The following SGSM2 variants were observed in gnomAD, a reference collection of about 807,000 sequenced individuals.
SGSM2 encodes the protein small G protein signaling modulator 2.
Under a neutral mutation model 126.6 loss-of-function variants are expected in SGSM2, and 89 were observed. The ratio of observed to expected loss-of-function variants is 0.70; its 90% CI spans 0.59 to 0.84. The LOEUF (loss-of-function observed/expected upper bound fraction) is 0.84, where lower values mean the gene tolerates loss of function less well. SGSM2 is among the 40% of genes least tolerant of loss of function. The pLI is 0.00. For missense variants in SGSM2, 1,404 were observed against 1,416.6 expected (o/e 0.99, Z 0.14); for synonymous variants, 614 against 574.3 (o/e 1.07, Z -0.99).
Position 2,373,432 on chromosome 17 carries a change from A to T in SGSM2, c.2019A>T (p.Thr673=). ...RQREREAHPA[T]RTKFSSGSSI... Reference sequence around the variant, plus strand: ...GGGAGCGGGAGGCCCACCCAGCCACACGCACCAAGTTCTCCTCAGGCAGCA... The same window carrying T: ...GGGAGCGGGAGGCCCACCCAGCCACTCGCACCAAGTTCTCCTCAGGCAGCA... Residue 673 remains threonine, a synonymous_variant, in exon 17 of 24, where the codon ACA becomes ACT. Coordinates refer to ENST00000268989, the MANE Select transcript of SGSM2 (RefSeq NM_014853.3). The T allele has an allele frequency of 6.2e-7, 1 of 1,611,418 alleles. No individual in the cohort carries two copies. Among genetic ancestry groups the T allele is most frequent in the South Asian group, 1.1e-5 (1 of 91,066 alleles).
chr17:2,363,828 G>A lies in SGSM2; in HGVS notation c.807+229G>A. The A allele has an allele frequency of 1.3e-6, 1 of 793,518 alleles. No individual in the cohort carries two copies. Among genetic ancestry groups the A allele is most frequent in the Non-Finnish European group, 2.0e-6 (1 of 509,488 alleles). 49.2% of individuals were successfully genotyped at this position (793,518 alleles called of 1,614,324 possible). A position where few individuals can be genotyped will look rare whatever the true frequency, so the allele number is the denominator to read the frequency against. On this transcript the variant is annotated intron_variant, in intron 7 of 23. Coordinates refer to ENST00000268989, the MANE Select transcript of SGSM2 (RefSeq NM_014853.3). This position sits in a 1 kb window ranked among gnomAD's most constrained non-coding sequence, Gnocchi z 4.2. ...GGAGTCCGCAGTGTGGGTATGGCTG[G>A]CCTGGAATGGACCTGGCATCCAGGA...
chr17:2,352,781 T>C (rs528172079), intron 2 of SGSM2, among the ~76,000 whole-genome samples: 11,422 of 133,030 alleles, frequency 0.086, 970 homozygotes, highest in African/African-American at 0.19. Flanking sequence ...TTTTTTTTTT[T>C]TTTTTTTTTT....
rs559431788 is a variant in SGSM2, at chr17:2,377,091, G to A, written c.2802+23G>A. On this transcript the variant is annotated intron_variant, in intron 21 of 23. Coordinates refer to ENST00000268989, the MANE Select transcript of SGSM2 (RefSeq NM_014853.3). ...CAGGTGAGGCCGGTTGCCACCCATG[G>A]GCATGGGAGCAGGCAGTGCTGGGCT... 16 of 1,521,122 alleles carry A rather than the reference G, an allele frequency of 1.1e-5. No homozygotes were observed. In the South Asian group the frequency reaches 1.2e-4, roughly 11 times the overall value. The allele number at this position is 1,521,122 out of a possible 1,614,324, so 94.2% of individuals were successfully genotyped here. A position where few individuals can be genotyped will look rare whatever the true frequency, so the allele number is the denominator to read the frequency against.
At chr17:2,370,920 TG>T (rs1416398516) in intron 12 of SGSM2, among the ~76,000 whole-genome samples, 1 of 152,244 alleles carries the variant, frequency 6.6e-6, no homozygotes, top group African/African-American at 2.4e-5. Flanking sequence ...CTCAGGTCTT[TG>T]TTCCTTCTCT....
intron 2 of SGSM2, among the ~76,000 whole-genome samples, chr17:2,346,026 T>C (rs112708005): frequency 1.3e-5 from 2 of 152,298 alleles, no homozygotes; most frequent in South Asian, 4.1e-4. Flanking sequence ...CACCCCTCTC[T>C]GCCTTTTTGG....
rs35495614 is a variant in SGSM2, at chr17:2,354,900, A to G, written c.134-6737A>G. 3.9e-4 allele frequency among the ~76,000 whole-genome samples: 49 copies of G among 126,080 alleles called. 1 individual carries two copies. The highest frequency in any genetic ancestry group is 1.3e-3 in the South Asian group (5 of 3,950). The allele number at this position is 126,080 out of a possible 152,430, so 82.7% of individuals were successfully genotyped here. The stretch of plus-strand genomic sequence containing the variant: ...TCGGGGTGTAAGCGTTGGGGAAGGG[A>G]CCCCATATCTTAGAATGGTGGAATC... On this transcript the variant is annotated intron_variant, in intron 2 of 23. Coordinates refer to ENST00000268989, the MANE Select transcript of SGSM2 (RefSeq NM_014853.3).
chr17:2,373,641 G>C (rs1567844595), intron 17 of SGSM2, 128 bp downstream of exon 17: 1 of 798,030 alleles, frequency 1.3e-6, no homozygotes, highest in African/African-American at 1.7e-5. Flanking sequence ...TAAGGTGCCT[G>C]TGTCTCATTT....
At chr17:2,358,870 GTTGTTTTT>G (rs1230414566) in intron 2 of SGSM2, among the ~76,000 whole-genome samples, 2 of 81,608 alleles carry the variant, frequency 2.5e-5, no homozygotes, top group Non-Finnish European at 4.8e-5. Flanking sequence ...TGTTGTTGTT[GTTGTTTTT>G]TTTTTTTTTT....
intron 2 of SGSM2, among the ~76,000 whole-genome samples, chr17:2,348,209 A>G (rs983840899): frequency 2.0e-5 from 3 of 152,142 alleles, no homozygotes; most frequent in African/African-American, 7.2e-5. Context: ...GGTGCTAGGG[A>G]AGGCTTGCCT....
chr17:2,355,397 G>GA (rs2065055823), intron 2 of SGSM2, among the ~76,000 whole-genome samples: 1 of 45,856 alleles, frequency 2.2e-5, no homozygotes, highest in Non-Finnish European at 5.1e-5. Flanking sequence ...TGGGGCAGGG[G>GA]CCCCATATCT....
chr17:2,347,407 T>A (rs2151492561), intron 2 of SGSM2, among the ~76,000 whole-genome samples: 1 of 147,664 alleles, frequency 6.8e-6, no homozygotes, highest in Non-Finnish European at 1.5e-5. Context: ...ACACCCGGCC[T>A]CATTTTTTTT....
At chr17:2,373,585 C>T in intron 17 of SGSM2, 72 bp downstream of exon 17, 5 of 1,397,154 alleles carry the variant, frequency 3.6e-6, no homozygotes, top group Non-Finnish European at 4.9e-6. Context: ...TGGTCCTGAG[C>T]ACCAGCCTGA....
In SGSM2 at chr17:2,337,646, G is replaced by GCGGGGGCT; in HGVS notation, c.-41_-34dup. The stretch of plus-strand genomic sequence containing the variant: ...CGAGAGGCGCGGAGGCGGCGAGGGC[G>GCGGGGGCT]CGGGGGCTCTGAGGACCGCTCGGCG... On this transcript the variant is annotated 5_prime_UTR_variant, in exon 1 of 24. Coordinates refer to ENST00000268989, the MANE Select transcript of SGSM2 (RefSeq NM_014853.3). This position sits in a 1 kb window ranked among gnomAD's most constrained non-coding sequence, Gnocchi z 5.1. 7.3e-7 allele frequency: 1 copy of GCGGGGGCT among 1,370,036 alleles called. No homozygotes were observed. Among genetic ancestry groups the GCGGGGGCT allele is most frequent in the Non-Finnish European group, 9.6e-7 (1 of 1,040,374 alleles). The allele number at this position is 1,370,036 out of a possible 1,614,324, so 84.9% of individuals were successfully genotyped here.
At position 2,373,462 on chromosome 17, in the gene SGSM2, C is replaced by A; in HGVS notation, c.2049C>A (p.Ile683=). The A allele has an allele frequency of 1.2e-6, 2 of 1,608,910 alleles. No individual in the cohort carries two copies. Among genetic ancestry groups the A allele is most frequent in the South Asian group, 2.2e-5 (2 of 91,058 alleles). Residue 683 remains isoleucine, a synonymous_variant, in exon 17 of 24, where the codon ATC becomes ATA. Coordinates refer to ENST00000268989, the MANE Select transcript of SGSM2 (RefSeq NM_014853.3). ...TRTKFSSGSS[I]DSHVQRLIHR... ...CCAAGTTCTCCTCAGGCAGCAGCAT[C>A]GACAGCCACGTGCAGCGCCTCATCC...
At position 2,363,709 on chromosome 17, in the gene SGSM2, G is replaced by C; in HGVS notation, c.807+110G>C. The C allele has an allele frequency of 6.9e-7, 1 of 1,443,988 alleles. No individual in the cohort carries two copies. Among genetic ancestry groups the C allele is most frequent in the Middle Eastern group, 2.3e-4 (1 of 4,278 alleles). The allele number at this position is 1,443,988 out of a possible 1,614,324, so 89.4% of individuals were successfully genotyped here. A position where few individuals can be genotyped will look rare whatever the true frequency, so the allele number is the denominator to read the frequency against. On this transcript the variant is annotated intron_variant, in intron 7 of 23. Coordinates refer to ENST00000268989, the MANE Select transcript of SGSM2 (RefSeq NM_014853.3). The surrounding 1 kb of genome is among the most constrained non-coding windows in gnomAD (Gnocchi z 4.2). ...TGAGGAGCTTGACCAGAGACGGGGGGGAGAATGGCCCCAGCCTCCCAACTC... is the reference window on the plus strand; with the variant it reads ...TGAGGAGCTTGACCAGAGACGGGGGCGAGAATGGCCCCAGCCTCCCAACTC...
At position 2,362,867 on chromosome 17, in the gene SGSM2, C is replaced by T. The variant is rs2065380371; in HGVS notation, c.488C>T (p.Ala163Val). The T allele has an allele frequency of 6.2e-7, 1 of 1,614,190 alleles. No individual in the cohort carries two copies. Among genetic ancestry groups the T allele is most frequent in the African/African-American group, 1.3e-5 (1 of 75,070 alleles). The change falls in exon 5 of 24, where the codon GCA becomes GTA. Residue 163 changes from alanine to valine, a missense_variant. Coordinates refer to ENST00000268989, the MANE Select transcript of SGSM2 (RefSeq NM_014853.3). This position sits in a 1 kb window ranked among gnomAD's most constrained non-coding sequence, Gnocchi z 4.9. ...SKYYEKEALL[A>V]DPVFGPILAS... ...TACTACGAGAAGGAGGCACTGCTGG[C>T]AGACCCTGTGTTCGGCCCGATCCTG... is the stretch of plus-strand genomic sequence containing the variant.
chr17:2,361,640 C>T lies in SGSM2; in HGVS notation c.137C>T (p.Ala46Val). 1.9e-6 allele frequency: 3 copies of T among 1,613,614 alleles called. No homozygotes were observed. The highest frequency in any genetic ancestry group is 2.5e-6 in the Non-Finnish European group (3 of 1,179,932). Reference sequence around the variant, plus strand: ...GCCGTTTCCCTTTGTGGCCTAGGTGCAGTGGAGGCTTGCCTCTTGCATCAG... The same window carrying T: ...GCCGTTTCCCTTTGTGGCCTAGGTGTAGTGGAGGCTTGCCTCTTGCATCAG... ...DSSHIIALCG[A>V]VEACLLHQLR... is the part of the protein sequence containing the mutation. The change falls in exon 3 of 24, where the codon GCA (alanine) becomes GTA (valine). Residue 46 changes from alanine (A) to valine (V), a missense_variant. Ala to Val is a moderately conservative substitution (Grantham distance 64). Coordinates refer to ENST00000268989, the MANE Select transcript of SGSM2 (RefSeq NM_014853.3).
In SGSM2 at chr17:2,362,894, C is replaced by G. The variant is rs761083436; in HGVS notation, c.515C>G (p.Ala172Gly). The change falls in exon 5 of 24, where the codon GCC (alanine) becomes GGC (glycine). Residue 172 changes from alanine (A) to glycine (G), a missense_variant. By Grantham distance (60) the Ala-to-Gly change is moderately conservative. Transcript: ENST00000268989. This position sits in a 1 kb window ranked among gnomAD's most constrained non-coding sequence, Gnocchi z 4.9. ...LADPVFGPILASLLVGPCALE... is the reference protein window; with the variant it reads ...LADPVFGPILGSLLVGPCALE... ...GACCCTGTGTTCGGCCCGATCCTGG[C>G]CTCTCTTCTAGGTGAGCCTGAGAGC... 2 of 1,614,190 alleles carry G rather than the reference C, an allele frequency of 1.2e-6. No homozygotes were observed. Among genetic ancestry groups the G allele is most frequent in the Non-Finnish European group, 1.7e-6 (2 of 1,180,038 alleles).
intron 2 of SGSM2, among the ~76,000 whole-genome samples, chr17:2,351,790 C>A (rs1287833596): frequency 1.3e-5 from 2 of 152,120 alleles, no homozygotes; most frequent in Admixed American, 1.3e-4. Context: ...AAACTCCTGA[C>A]CTCAAGTGAC....
Sources: gnomAD v4.1 joint callset for allele counts (sites outside exome capture counted in the v4.1 genomes callset) on GRCh38, gnomAD v4.1.1 for gene constraint, Gnocchi (gnomAD v3.1) non-coding constraint, MANE v1.5 for transcripts, NCBI Gene and HGNC (gene_info 2026-07-23, HGNC 2026-07-21) for gene names.